Variants in ATP7B observed in about 807,000 individuals in gnomAD.
ATP7B encodes copper-transporting ATPase 2.
A neutral mutation model predicts 118.9 loss-of-function variants in ATP7B; 113 were observed. That is an observed-to-expected ratio of 0.95 (90% CI 0.82 to 1.11). ATP7B has a LOEUF of 1.11. Among genes scored for constraint, ATP7B ranks in the 50% most tolerant of loss-of-function variants. ATP7B has a pLI of 0.00. For synonymous variants in ATP7B, 777 were observed against 727.4 expected, an observed-to-expected ratio of 1.07 and a Z score of -1.10; for missense variants, 1,867 against 1,871.4, an observed-to-expected ratio of 1.00 and a Z score of 0.04.
chr13:51,972,221 C>A (rs1951875647), intron 2 of ATP7B, among the ~76,000 whole-genome samples: 1 of 152,190 alleles, frequency 6.6e-6, no homozygotes, highest in Admixed American at 6.5e-5. Context: ...TGGGCTCCCA[C>A]CTTCCCAGGG....
chr13:51,949,800 T>C lies in ATP7B; in HGVS notation c.2731-4A>G. The C allele has an allele frequency of 6.2e-7, 1 of 1,613,868 alleles. No homozygotes were observed. Among genetic ancestry groups the C allele is most frequent in the Non-Finnish European group, 8.5e-7 (1 of 1,180,012 alleles). The stretch of plus-strand genomic sequence containing the variant: ...CAGCCAGCTGCTGAATGGGTGCCTA[T>C]GAAAATAAAACACCAAGACCATGGG... On this transcript the variant is annotated splice_polypyrimidine_tract_variant and splice_region_variant and intron_variant, in intron 11 of 20. Coordinates refer to ENST00000242839, the MANE Select transcript of ATP7B (RefSeq NM_000053.4).
chr13:51,940,606 T>G (rs1957275664), intron 16 of ATP7B, among the ~76,000 whole-genome samples: 1 of 151,806 alleles, frequency 6.6e-6, no homozygotes, highest in Non-Finnish European at 1.5e-5. Flanking sequence ...GTCACACCAC[T>G]CCACTGCACT....
At chr13:52,009,210 T>C (rs1405339587) in intron 1 of ATP7B, among the ~76,000 whole-genome samples, 1 of 152,220 alleles carries the variant, frequency 6.6e-6, no homozygotes, top group African/African-American at 2.4e-5. Flanking sequence ...TGGAAATATT[T>C]TGAGATGGCC....
chr13:51,960,083 G>A, intron 7 of ATP7B, 65 bp downstream of exon 7: 1 of 1,563,658 alleles, frequency 6.4e-7, no homozygotes. Flanking sequence ...GCGCTTAGCG[G>A]GCAGAATATC....
intron 1 of ATP7B, among the ~76,000 whole-genome samples, chr13:51,990,918 T>A (rs889864580): frequency 6.6e-6 from 1 of 152,170 alleles, no homozygotes; most frequent in Non-Finnish European, 1.5e-5. Flanking sequence ...TGAAACCTCA[T>A]CTCTACTAAA....
In ATP7B at chr13:51,938,924, G is replaced by T. The variant is rs981022647; in HGVS notation, c.3699+127C>A. On this transcript the variant is annotated intron_variant, in intron 17 of 20. Coordinates refer to ENST00000242839, the MANE Select transcript of ATP7B (RefSeq NM_000053.4). ...ACATGGCCACAGAATGAAACACGTG[G>T]AGAGAAAAGCATCCAGCAAGGGAGA... 49 of 1,454,496 alleles carry T rather than the reference G, an allele frequency of 3.4e-5. 1 individual carries two copies. Among genetic ancestry groups the T allele is most frequent in the Non-Finnish European group, 3.8e-5 (40 of 1,042,428 alleles). 90.1% of individuals were successfully genotyped at this position (1,454,496 alleles called of 1,614,324 possible). A position where few individuals can be genotyped will look rare whatever the true frequency, so the allele number is the denominator to read the frequency against.
At position 51,983,249 on chromosome 13, in the gene ATP7B, T is replaced by G. The variant is rs1409618951; in HGVS notation, c.52-8081A>C. ...TCGGGGGAGGGGCATCCACCATTAC[T>G]GAGGCTTGAGCAGGTGGTTTTCCCC... On this transcript the variant is annotated intron_variant, in intron 1 of 20. Coordinates refer to ENST00000242839, the MANE Select transcript of ATP7B (RefSeq NM_000053.4). Among the ~76,000 whole-genome samples, 3 of 152,186 alleles carry G rather than the reference T, an allele frequency of 2.0e-5. 1 individual carries two copies. The highest frequency in any genetic ancestry group is 2.0e-4 in the Admixed American group (3 of 15,286).
intron 1 of ATP7B, among the ~76,000 whole-genome samples, chr13:51,994,409 T>A (rs1029138433): frequency 1.2e-4 from 18 of 152,210 alleles, no homozygotes; most frequent in Non-Finnish European, 2.2e-4. Context: ...CATTTCATAT[T>A]TTTAAATTTG....
chr13:51,990,128 A>C (rs1423712587), intron 1 of ATP7B, among the ~76,000 whole-genome samples: 2 of 151,942 alleles, frequency 1.3e-5, no homozygotes, highest in Middle Eastern at 3.4e-3. Flanking sequence ...TAATAAAATA[A>C]ATGTTATTTT....
Position 51,974,241 on chromosome 13 carries a change from G to A in ATP7B, c.979C>T (p.Leu327Phe), listed in dbSNP as rs1421647121. 1 of 1,614,158 alleles carries A rather than the reference G, an allele frequency of 6.2e-7. No individual in the cohort carries two copies. The highest frequency in any genetic ancestry group is 8.5e-7 in the Non-Finnish European group (1 of 1,180,030). The change falls in exon 2 of 21, where the codon CTT (leucine) becomes TTT (phenylalanine). Residue 327 changes from leucine (L) to phenylalanine (F), a missense_variant. Transcript: ENST00000242839. ...ALPPGNFKVS[L>F]PDGAEGSGTD... ...CCACTCCCTTCGGCTCCATCAGGAA[G>A]AGAAACTTTAAAATTCCCAGGTGGA...
chr13:51,958,825 C>T (rs1482061094), intron 7 of ATP7B: 2 of 486,662 alleles, frequency 4.1e-6, no homozygotes, highest in Non-Finnish European at 7.5e-6. Context: ...GGAAAAAAAT[C>T]ACGACTCATT....
Position 51,968,551 on chromosome 13 carries a change from G to A in ATP7B, c.1600C>T (p.Pro534Ser). 1 of 1,614,054 alleles carries A rather than the reference G, an allele frequency of 6.2e-7. No individual in the cohort carries two copies. Among genetic ancestry groups the A allele is most frequent in the East Asian group, 2.2e-5 (1 of 44,866 alleles). ...MAGKAEIKYD[P>S]EVIQPLEIAQ... ...ATCTCGAGGGGCTGGATGACCTCTGGGTCATACTTGATCTCTGCCTTTCCT... is the reference window on the plus strand; with the variant it reads ...ATCTCGAGGGGCTGGATGACCTCTGAGTCATACTTGATCTCTGCCTTTCCT... The change falls in exon 4 of 21, where the codon CCA becomes TCA. Residue 534 changes from proline (P) to serine (S), a missense_variant. Pro to Ser is a moderately conservative substitution (Grantham distance 74). Transcript: ENST00000242839.
chr13:52,002,210 GC>G (rs1566667675), intron 1 of ATP7B, among the ~76,000 whole-genome samples: 1 of 151,888 alleles, frequency 6.6e-6, no homozygotes, highest in East Asian at 2.0e-4. Flanking sequence ...AGAATGCCAA[GC>G]AAAAACAACT....
intron 1 of ATP7B, among the ~76,000 whole-genome samples, chr13:51,988,269 AAAG>A (rs1167278064): frequency 6.6e-6 from 1 of 152,208 alleles, no homozygotes; most frequent in African/African-American, 2.4e-5. Context: ...ACACTTCTCA[AAAG>A]AAGACATTTA....
At chr13:51,952,777 T>A (rs1958089892) in intron 9 of ATP7B, among the ~76,000 whole-genome samples, 1 of 152,250 alleles carries the variant, frequency 6.6e-6, no homozygotes, top group Non-Finnish European at 1.5e-5. Flanking sequence ...GTGTGGCTAC[T>A]TCCTGTGATT....
chr13:51,991,431 T>C lies in ATP7B; in HGVS notation c.52-16263A>G, dbSNP rs766261711. ...ATCCCTTGAGCTCGGGAGGTGGAGG[T>C]TGCAGTGAGCCAAGATCTGCGGCAA... On this transcript the variant is annotated intron_variant, in intron 1 of 20. Coordinates refer to ENST00000242839, the MANE Select transcript of ATP7B (RefSeq NM_000053.4). Among the ~76,000 whole-genome samples, 29 of 151,554 alleles carry C rather than the reference T, an allele frequency of 1.9e-4. No homozygotes were observed. In the Middle Eastern group the frequency reaches 0.01, roughly 53 times the overall value.
At chr13:51,991,792 C>T (rs1378373430) in intron 1 of ATP7B, among the ~76,000 whole-genome samples, 1 of 152,158 alleles carries the variant, frequency 6.6e-6, no homozygotes, top group Non-Finnish European at 1.5e-5. Context: ...TGGGCCAAAG[C>T]ACGGAGCCCC....
chr13:51,954,439 A>C (rs1958208788), intron 9 of ATP7B, among the ~76,000 whole-genome samples: 1 of 152,258 alleles, frequency 6.6e-6, no homozygotes. Context: ...TTGTGCTTTC[A>C]GGAAGATCAC....
Position 51,941,014 on chromosome 13 carries a change from T to C in ATP7B, c.3556+67A>G. ...TCTTTTCTTTTATAAAGGAGGACTC[T>C]TTTGCCTGATATCTGCAGAAAACTG... is the stretch of plus-strand genomic sequence containing the variant. On this transcript the variant is annotated intron_variant, in intron 16 of 20. Transcript: ENST00000242839. The C allele has an allele frequency of 2.5e-6, 4 of 1,604,930 alleles. No individual in the cohort carries two copies. In the South Asian group the frequency reaches 4.4e-5, roughly 18 times the overall value.
Sources: allele counts gnomAD v4.1 joint callset (sites outside exome capture counted in the v4.1 genomes callset), GRCh38; gene constraint gnomAD v4.1.1; transcripts MANE v1.5; gene names NCBI Gene and HGNC (gene_info 2026-07-23, HGNC 2026-07-21).